GULP1: variants seen among roughly 807,000 people sequenced by gnomAD.
GULP1 encodes the protein PTB domain-containing engulfment adapter protein 1.
In GULP1, 19 loss-of-function variants were observed where a neutral mutation model predicts 40.9. That is an observed-to-expected ratio of 0.46 (90% CI 0.32 to 0.68). The LOEUF (loss-of-function observed/expected upper bound fraction) is 0.68, where lower values mean the gene tolerates loss of function less well. GULP1 is among the 30% of genes least tolerant of loss of function. GULP1 has a pLI of 0.03. For missense variants in GULP1, 312 were observed against 362.2 expected, an observed-to-expected ratio of 0.86 and a Z score of 1.12; for synonymous variants, 119 against 117.6, an observed-to-expected ratio of 1.01 and a Z score of -0.08.
chr2:188,331,703 C>T (rs1181105902), intron 1 of GULP1, among the ~76,000 whole-genome samples: 1 of 151,948 alleles, frequency 6.6e-6, no homozygotes, highest in Non-Finnish European at 1.5e-5. Flanking sequence ...TTTAAAAAAT[C>T]CATTTAGGAG....
intron 2 of GULP1, among the ~76,000 whole-genome samples, chr2:188,394,398 A>G (rs1033120954): frequency 1.3e-5 from 2 of 152,112 alleles, no homozygotes; most frequent in Non-Finnish European, 2.9e-5. Context: ...TCTTTAAAAT[A>G]TCTTTCTCTT....
chr2:188,495,083 T>C (rs1346594630), intron 4 of GULP1, among the ~76,000 whole-genome samples: 1 of 152,094 alleles, frequency 6.6e-6, no homozygotes, highest in Non-Finnish European at 1.5e-5. Flanking sequence ...ATGCTTTCAC[T>C]AGATCAAAGG....
intron 9 of GULP1, among the ~76,000 whole-genome samples, chr2:188,572,763 G>C (rs763907715): frequency 1.3e-5 from 2 of 152,124 alleles, no homozygotes; most frequent in Non-Finnish European, 2.9e-5. Context: ...TGCACAGAAA[G>C]ACAAATATCA....
chr2:188,492,084 C>A (rs1358441146), intron 4 of GULP1, among the ~76,000 whole-genome samples: 2 of 151,942 alleles, frequency 1.3e-5, no homozygotes, highest in Non-Finnish European at 2.9e-5. Flanking sequence ...CTTTCAATAT[C>A]TTGCACAGAT....
intron 1 of GULP1, among the ~76,000 whole-genome samples, chr2:188,370,484 G>T (rs2047457682): frequency 6.6e-6 from 1 of 152,034 alleles, no homozygotes; most frequent in Non-Finnish European, 1.5e-5. Flanking sequence ...TTTTATTTAT[G>T]CCCTCCTCAT....
intron 2 of GULP1, among the ~76,000 whole-genome samples, chr2:188,436,613 A>AAG (rs1171685148): frequency 3.3e-5 from 5 of 152,208 alleles, no homozygotes; most frequent in African/African-American, 1.2e-4. Flanking sequence ...TCAAGGAAAA[A>AAG]AGAGACATTA....
chr2:188,575,214 A>G (rs1228265367), intron 9 of GULP1, among the ~76,000 whole-genome samples: 1 of 152,126 alleles, frequency 6.6e-6, no homozygotes, highest in Non-Finnish European at 1.5e-5. Flanking sequence ...TTAGTAGTAG[A>G]CCGTATGTTA....
At chr2:188,489,759 C>G (rs761316615) in intron 4 of GULP1, among the ~76,000 whole-genome samples, 16 of 151,980 alleles carry the variant, frequency 1.1e-4, no homozygotes, top group Non-Finnish European at 2.4e-4. Flanking sequence ...GTCCTCTCTA[C>G]AGTGGGAAAC....
chr2:188,379,517 C>T (rs2152487892), intron 1 of GULP1, among the ~76,000 whole-genome samples: 1 of 152,242 alleles, frequency 6.6e-6, no homozygotes, highest in Non-Finnish European at 1.5e-5. Context: ...AACAAATATA[C>T]ACACATTTCC....
intron 6 of GULP1, among the ~76,000 whole-genome samples, chr2:188,539,334 G>C (rs1051260263): frequency 2.6e-5 from 4 of 152,000 alleles, no homozygotes; most frequent in African/African-American, 9.7e-5. Flanking sequence ...CCTCCTGTCA[G>C]TATTTGGGAG....
In GULP1 at chr2:188,594,123, T is replaced by A; in HGVS notation, c.*112T>A. 3.4e-6 allele frequency: 2 copies of A among 587,944 alleles called. No homozygotes were observed. The highest frequency in any genetic ancestry group is 5.9e-6 in the Non-Finnish European group (2 of 340,244). 36.4% of individuals were successfully genotyped at this position (587,944 alleles called of 1,614,324 possible). On this transcript the variant is annotated 3_prime_UTR_variant, in exon 12 of 12. Coordinates refer to ENST00000409830, the MANE Select transcript of GULP1 (RefSeq NM_016315.4). ...CATGTGTCAATGTTTTTGAATATTTTAATATTTTGAAAATTTTCTCAGTTA... is the reference window on the plus strand; with the variant it reads ...CATGTGTCAATGTTTTTGAATATTTAAATATTTTGAAAATTTTCTCAGTTA...
intron 7 of GULP1, among the ~76,000 whole-genome samples, chr2:188,546,172 A>G (rs1691905668): frequency 6.6e-6 from 1 of 152,046 alleles, no homozygotes. Flanking sequence ...TTATAGAATA[A>G]TTAGAAAATC....
intron 11 of GULP1, chr2:188,593,451 T>C (rs2153479082): frequency 6.6e-6 from 1 of 152,294 alleles, no homozygotes; most frequent in Admixed American, 6.6e-5. Flanking sequence ...TGCAGTTGTG[T>C]GTTCCACAGA....
chr2:188,319,473 A>G (rs1379050614), intron 1 of GULP1, among the ~76,000 whole-genome samples: 1 of 152,156 alleles, frequency 6.6e-6, no homozygotes, highest in Non-Finnish European at 1.5e-5. Flanking sequence ...GGAGGTCAAC[A>G]TACTTTGGAA....
At chr2:188,347,454 G>C (rs1010026502) in intron 1 of GULP1, among the ~76,000 whole-genome samples, 1 of 151,946 alleles carries the variant, frequency 6.6e-6, no homozygotes, top group East Asian at 1.9e-4. Context: ...TAAACTGTCA[G>C]AAACAATGCA....
intron 2 of GULP1, among the ~76,000 whole-genome samples, chr2:188,434,908 A>G (rs933713366): frequency 6.6e-6 from 1 of 151,968 alleles, no homozygotes; most frequent in Non-Finnish European, 1.5e-5. Context: ...TAATCTTATC[A>G]CAACTTTACA....
At chr2:188,449,893 AT>A (rs2058695129) in intron 2 of GULP1, among the ~76,000 whole-genome samples, 1 of 152,046 alleles carries the variant, frequency 6.6e-6, no homozygotes. Context: ...GAGTTTATTC[AT>A]TTTTTACTTC....
chr2:188,296,042 A>G (rs1432997179), intron 1 of GULP1, among the ~76,000 whole-genome samples: 1 of 152,098 alleles, frequency 6.6e-6, no homozygotes, highest in Non-Finnish European at 1.5e-5. Flanking sequence ...ATTTCAGTAT[A>G]ATAATGAATT....
At chr2:188,381,581 ATTAT>A (rs2049010376) in intron 1 of GULP1, among the ~76,000 whole-genome samples, 1 of 152,188 alleles carries the variant, frequency 6.6e-6, no homozygotes, top group South Asian at 2.1e-4. Context: ...TTTGATAACA[ATTAT>A]TTATCTCGAA....
Sources: allele counts gnomAD v4.1 joint callset (sites outside exome capture counted in the v4.1 genomes callset), GRCh38; gene constraint gnomAD v4.1.1; transcripts MANE v1.5; gene names NCBI Gene and HGNC (gene_info 2026-07-23, HGNC 2026-07-21).